Variants in TET3 observed in about 807,000 individuals in gnomAD.
TET3 encodes the protein methylcytosine dioxygenase TET3.
In TET3, 19 loss-of-function variants were observed where a neutral mutation model predicts 141.4. The ratio of observed to expected loss-of-function variants is 0.13; its 90% CI spans 0.09 to 0.20. The LOEUF is 0.20. Ranked by LOEUF, TET3 falls within the 10% of genes least tolerant of loss-of-function variation. The pLI, the probability that TET3 is intolerant of heterozygous loss-of-function variation, is 1.00. For synonymous variants in TET3, 1,043 were observed against 980.9 expected, an observed-to-expected ratio of 1.06 and a Z score of -1.18; for missense variants, 1,874 against 2,356.9, an observed-to-expected ratio of 0.80 and a Z score of 4.24.
intron 2 of TET3, among the ~76,000 whole-genome samples, chr2:73,997,332 T>G (rs1684645502): frequency 6.6e-6 from 1 of 152,188 alleles, no homozygotes; most frequent in Non-Finnish European, 1.5e-5. Flanking sequence ...CCTGTCTTAT[T>G]TTTTATTGAT....
At chr2:73,992,155 G>A (rs1213495888) in intron 2 of TET3, among the ~76,000 whole-genome samples, 3 of 152,156 alleles carry the variant, frequency 2.0e-5, no homozygotes, top group African/African-American at 7.2e-5. Flanking sequence ...TAGGGATGGA[G>A]AGAGTGGACA....
chr2:74,003,472 C>A (rs1684977590), intron 3 of TET3, among the ~76,000 whole-genome samples: 1 of 145,228 alleles, frequency 6.9e-6, no homozygotes. Flanking sequence ...CTCCCCACCC[C>A]TGCCTCTGGA....
In TET3 at chr2:73,992,109, C is replaced by A. The variant is rs1453877346; in HGVS notation, c.303+5403C>A. On this transcript the variant is annotated intron_variant, in intron 2 of 11. Transcript: ENST00000409262. ...AACAATGTCTTGTATATGGTTCTAG[C>A]AAGAGTGAGAGGGAAGAGGTAGGCT... 3.9e-5 allele frequency among the ~76,000 whole-genome samples: 6 copies of A among 151,980 alleles called. No individual in the cohort carries two copies. The East Asian group carries it at 1.2e-3, about 29-fold the overall frequency.
intron 4 of TET3, among the ~76,000 whole-genome samples, chr2:74,056,540 G>C (rs1373067236): frequency 2.0e-5 from 3 of 151,454 alleles, no homozygotes. Flanking sequence ...TAGAAAGGGG[G>C]GGAAAAAAAG....
At position 74,046,941 on chromosome 2, in the gene TET3, A is replaced by G; in HGVS notation, c.1024A>G (p.Ser342Gly). ...SPQEGLPLSQ[S>G]ALSIAKEKNI... ...CCAAGAGGGCCTGCCCCTGTCCCAG[A>G]GTGCCCTGAGCATTGCCAAGGAAAA... The change falls in exon 4 of 12, where the codon AGT becomes GGT. Residue 342 changes from serine (S) to glycine (G), a missense_variant. Ser to Gly is a moderately conservative substitution (Grantham distance 56). Around this residue, in one of 10 missense-constraint regions of TET3, gnomAD observed 366 missense variants for 487.0 expected, o/e 0.75. Transcript: ENST00000409262. This position sits in a 1 kb window ranked among gnomAD's most constrained non-coding sequence, Gnocchi z 4.3. 5 of 1,613,946 alleles carry G rather than the reference A, an allele frequency of 3.1e-6. No individual in the cohort carries two copies. Among genetic ancestry groups the G allele is most frequent in the Non-Finnish European group, 4.2e-6 (5 of 1,179,872 alleles).
At chr2:74,088,925 A>T in intron 7 of TET3, among the ~76,000 whole-genome samples, 1 of 152,168 alleles carries the variant, frequency 6.6e-6, no homozygotes, top group East Asian at 1.9e-4. Flanking sequence ...TACTAAAAAT[A>T]TAAAAATTAG....
chr2:74,007,930 G>A (rs147844173), intron 3 of TET3, among the ~76,000 whole-genome samples: 1 of 152,344 alleles, frequency 6.6e-6, no homozygotes, highest in Admixed American at 6.5e-5. Flanking sequence ...AAAGTGGTCT[G>A]TGAGCCATTC....
chr2:73,997,784 G>T (rs1237814934), intron 2 of TET3, among the ~76,000 whole-genome samples: 2 of 152,176 alleles, frequency 1.3e-5, no homozygotes, highest in Non-Finnish European at 2.9e-5. Context: ...GGTGGGTAAA[G>T]GTAGGCACAT....
the TET3 span, among the ~76,000 whole-genome samples, chr2:74,119,661 T>C: frequency 2.0e-4 from 31 of 152,356 alleles, no homozygotes; most frequent in African/African-American, 7.2e-4. Context: ...ACTTTAAGAC[T>C]GTGTGAATAA....
chr2:74,052,431 T>C (rs1314573022), intron 4 of TET3, among the ~76,000 whole-genome samples: 21 of 151,790 alleles, frequency 1.4e-4, no homozygotes, highest in Admixed American at 9.8e-4. Context: ...TAGAGAGTTA[T>C]AGGTTAATAT....
chr2:74,030,685 T>C (rs558508580), intron 3 of TET3, among the ~76,000 whole-genome samples: 2 of 152,244 alleles, frequency 1.3e-5, no homozygotes, highest in Non-Finnish European at 2.9e-5. Context: ...GCCTGGGAGC[T>C]GGGTGATGGG....
intron 4 of TET3, among the ~76,000 whole-genome samples, chr2:74,057,246 G>A (rs996803130): frequency 3.3e-5 from 5 of 152,106 alleles, no homozygotes; most frequent in Admixed American, 2.0e-4. Flanking sequence ...AGTCCCTTTC[G>A]AGGGAATGAA....
At chr2:74,002,123 C>T (rs562545234) in intron 2 of TET3, among the ~76,000 whole-genome samples, 2 of 152,262 alleles carry the variant, frequency 1.3e-5, no homozygotes, top group African/African-American at 2.4e-5. Flanking sequence ...TCTTCAGAGC[C>T]GACAGACCTG....
intron 11 of TET3, 100 bp downstream of exon 11, chr2:74,099,712 GC>G: frequency 8.0e-7 from 1 of 1,245,110 alleles, no homozygotes; most frequent in Non-Finnish European, 1.1e-6. Flanking sequence ...TGGAACTGGG[GC>G]CTCTGCTTAA....
chr2:74,055,943 C>A (rs879336086), intron 4 of TET3, among the ~76,000 whole-genome samples: 19 of 152,140 alleles, frequency 1.2e-4, no homozygotes, highest in Admixed American at 2.6e-4. Context: ...GGCCCCTTGA[C>A]CTTGGACTTC....
intron 10 of TET3, 133 bp from the exon 11 acceptor site, chr2:74,099,143 T>C: frequency 3.8e-6 from 3 of 796,160 alleles, no homozygotes; most frequent in Non-Finnish European, 3.9e-6. Flanking sequence ...CCACAAACTC[T>C]TGGAAGTAGT....
In TET3 at chr2:74,047,669, A is replaced by G; in HGVS notation, c.1752A>G (p.Thr584=). ...AGGAGAAGAAGAAGAAGCTCCCAAC[A>G]CCAGCTGGAGGTCCCGTGGGAACGG... ...PPKEKKKKLP[T]PAGGPVGTEK... Residue 584 remains threonine (T), a synonymous_variant, in exon 4 of 12, where the codon ACA becomes ACG. Coordinates refer to ENST00000409262, the MANE Select transcript of TET3 (RefSeq NM_001287491.2). 1 of 1,613,214 alleles carries G rather than the reference A, an allele frequency of 6.2e-7. No homozygotes were observed. The highest frequency in any genetic ancestry group is 1.1e-5 in the South Asian group (1 of 90,956).
chr2:74,079,882 G>A (rs1689708112), intron 5 of TET3, among the ~76,000 whole-genome samples: 1 of 152,188 alleles, frequency 6.6e-6, no homozygotes, highest in South Asian at 2.1e-4. Flanking sequence ...TGATTAGACA[G>A]TCCTAGAGAG....
In TET3 at chr2:73,989,727, G is replaced by GA. The variant is rs982570416; in HGVS notation, c.303+3022dup. On this transcript the variant is annotated intron_variant, in intron 2 of 11. Transcript: ENST00000409262. ...CCTTCCTAGTTCCAGGAAGACTTTA[G>GA]AGGAGGTTGTTTGATTTCATATTCT... Among the ~76,000 whole-genome samples the GA allele has an allele frequency of 3.1e-4, 47 of 152,290 alleles. 1 individual carries two copies. In the South Asian group the frequency reaches 4.8e-3, roughly 15 times the overall value.
Sources: gnomAD v4.1 joint callset for allele counts (sites outside exome capture counted in the v4.1 genomes callset) on GRCh38, gnomAD v4.1.1 for gene constraint, gnomAD v4.1.1 regional missense constraint, Gnocchi (gnomAD v3.1) non-coding constraint, MANE v1.5 for transcripts, NCBI Gene and HGNC (gene_info 2026-07-23, HGNC 2026-07-21) for gene names.